Variants in SPTSSA observed in about 807,000 individuals in gnomAD.
SPTSSA encodes the protein serine palmitoyltransferase small subunit A.
In SPTSSA, 8 loss-of-function variants were observed where a neutral mutation model predicts 9.1. That is an observed-to-expected ratio of 0.88 (90% confidence interval 0.51 to 1.58). The LOEUF (loss-of-function observed/expected upper bound fraction) is 1.58, where lower values mean the gene tolerates loss of function less well. Among genes scored for constraint, SPTSSA ranks in the 40% most tolerant of loss-of-function variants. SPTSSA has a pLI of 0.00. For missense variants in SPTSSA, 100 were observed against 93.8 expected (o/e 1.07, Z -0.27); for synonymous variants, 42 against 37.7 (o/e 1.11, Z -0.41).
intron 1 of SPTSSA, among the ~76,000 whole-genome samples, chr14:34,452,748 T>TG (rs1383170202): frequency 6.6e-6 from 1 of 152,208 alleles, no homozygotes; most frequent in Non-Finnish European, 1.5e-5. Context: ...CCCAGTGTTA[T>TG]GGGGAAAAAT....
At chr14:34,437,182 C>T (rs1320709374) in intron 1 of SPTSSA, among the ~76,000 whole-genome samples, 2 of 152,118 alleles carry the variant, frequency 1.3e-5, no homozygotes, top group Non-Finnish European at 2.9e-5. Context: ...TGATGTGAGC[C>T]GGAAGGGCAC....
At chr14:34,440,855 T>C (rs952501373) in intron 1 of SPTSSA, among the ~76,000 whole-genome samples, 1 of 151,322 alleles carries the variant, frequency 6.6e-6, no homozygotes, top group Non-Finnish European at 1.5e-5. Flanking sequence ...CACTCAAGCC[T>C]GGGCAACAAG....
At position 34,435,239 on chromosome 14, in the gene SPTSSA, T is replaced by C; in HGVS notation, c.178A>G (p.Ile60Val). The C allele has an allele frequency of 6.2e-7, 1 of 1,613,908 alleles. No individual in the cohort carries two copies. The highest frequency in any genetic ancestry group is 8.5e-7 in the Non-Finnish European group (1 of 1,179,826). The change falls in exon 2 of 2, where the codon ATC becomes GTC. Residue 60 changes from isoleucine (I) to valine (V), a missense_variant. Coordinates refer to ENST00000298130, the MANE Select transcript of SPTSSA (RefSeq NM_138288.4). ...TCAAAGTAGTGCAATATCGCCATGA[T>C]GTGCTGGGGCATGAAGACGTATCCT... is the stretch of plus-strand genomic sequence containing the variant. Reference protein sequence around the residue: ...YTGYVFMPQHIMAILHYFEIV... With the variant: ...YTGYVFMPQHVMAILHYFEIV...
intron 1 of SPTSSA, among the ~76,000 whole-genome samples, chr14:34,448,023 G>T (rs1566424428): frequency 6.6e-6 from 1 of 152,122 alleles, no homozygotes. Context: ...GGGAAGCTGA[G>T]GTGGGCAGAT....
chr14:34,435,115 G>A lies in SPTSSA; in HGVS notation c.*86C>T. On this transcript the variant is annotated 3_prime_UTR_variant, in exon 2 of 2. Coordinates refer to ENST00000298130, the MANE Select transcript of SPTSSA (RefSeq NM_138288.4). ...AGGTTGGTTATGTTGACATCTAGAA[G>A]AGTTTCTTATCACATCTGATGGTCT... The A allele has an allele frequency of 1.0e-6, 1 of 973,796 alleles. No homozygotes were observed. The highest frequency in any genetic ancestry group is 1.6e-6 in the Non-Finnish European group (1 of 643,052). The allele number at this position is 973,796 out of a possible 1,614,324, so 60.3% of individuals were successfully genotyped here.
chr14:34,454,860 G>A (rs1883586409), intron 1 of SPTSSA, among the ~76,000 whole-genome samples: 1 of 152,184 alleles, frequency 6.6e-6, no homozygotes, highest in Non-Finnish European at 1.5e-5. Context: ...GCCAAGGTGG[G>A]TGGGTCACCT....
At chr14:34,449,895 A>G (rs1351384387) in intron 1 of SPTSSA, among the ~76,000 whole-genome samples, 1 of 152,226 alleles carries the variant, frequency 6.6e-6, no homozygotes, top group African/African-American at 2.4e-5. Flanking sequence ...GCTATCTGGT[A>G]TAGATTTCTC....
At chr14:34,448,763 C>T (rs971072780) in intron 1 of SPTSSA, among the ~76,000 whole-genome samples, 5 of 152,072 alleles carry the variant, frequency 3.3e-5, no homozygotes, top group African/African-American at 1.2e-4. Context: ...TGCCAAGAAC[C>T]AGGATACCCT....
intron 1 of SPTSSA, among the ~76,000 whole-genome samples, chr14:34,454,137 T>G (rs544398495): frequency 1.3e-5 from 2 of 152,228 alleles, no homozygotes; most frequent in Non-Finnish European, 2.9e-5. Flanking sequence ...CTAAAGATCA[T>G]GCCAGCCACT....
intron 1 of SPTSSA, among the ~76,000 whole-genome samples, chr14:34,448,507 G>A (rs1402241039): frequency 6.6e-6 from 1 of 152,146 alleles, no homozygotes; most frequent in Non-Finnish European, 1.5e-5. Flanking sequence ...ATCCTCTCCA[G>A]AGGGTGTAGG....
intron 1 of SPTSSA, among the ~76,000 whole-genome samples, chr14:34,451,468 A>G (rs1390729970): frequency 1.3e-5 from 2 of 152,318 alleles, no homozygotes; most frequent in South Asian, 2.1e-4. Context: ...TCACACCTGT[A>G]ATCCCAGCAC....
intron 1 of SPTSSA, 119 bp downstream of exon 1, chr14:34,461,977 G>A: frequency 1.9e-6 from 1 of 538,146 alleles, no homozygotes; most frequent in Non-Finnish European, 2.3e-6. Flanking sequence ...CGGCTTCCGC[G>A]CACAGGACCG....
intron 1 of SPTSSA, among the ~76,000 whole-genome samples, chr14:34,459,972 C>A (rs1213949285): frequency 6.6e-6 from 1 of 152,132 alleles, no homozygotes; most frequent in East Asian, 1.9e-4. Flanking sequence ...TGTAGCTGGC[C>A]ACAGATTAGT....
intron 1 of SPTSSA, among the ~76,000 whole-genome samples, chr14:34,442,983 T>TGTGTGTGTGTGTGAGA (rs750212266): frequency 1.3e-5 from 2 of 148,458 alleles, no homozygotes; most frequent in African/African-American, 5.0e-5. Flanking sequence ...TGTGTGTGTG[T>TGTGTGTGTGTGTGAGA]GAGATGGAGT....
intron 1 of SPTSSA, among the ~76,000 whole-genome samples, chr14:34,454,276 G>T (rs1883575794): frequency 6.6e-6 from 1 of 152,140 alleles, no homozygotes; most frequent in African/African-American, 2.4e-5. Context: ...TAAGAAAATG[G>T]AGACAGGACC....
chr14:34,441,321 C>T (rs1015785474), intron 1 of SPTSSA, among the ~76,000 whole-genome samples: 1 of 152,142 alleles, frequency 6.6e-6, no homozygotes, highest in Admixed American at 6.6e-5. Context: ...TGTAACTTTA[C>T]TTCATCCTCT....
chr14:34,442,228 C>T (rs1209595235), intron 1 of SPTSSA, among the ~76,000 whole-genome samples: 1 of 152,152 alleles, frequency 6.6e-6, no homozygotes, highest in African/African-American at 2.4e-5. Flanking sequence ...GCACACGGTC[C>T]CTGATCCCTA....
intron 1 of SPTSSA, among the ~76,000 whole-genome samples, chr14:34,438,139 T>C (rs1344239717): frequency 1.3e-5 from 2 of 152,154 alleles, no homozygotes; most frequent in African/African-American, 4.8e-5. Context: ...GCTTGCTCAA[T>C]TTTGTTACTT....
chr14:34,448,198 G>C (rs1184428330), intron 1 of SPTSSA, among the ~76,000 whole-genome samples: 2 of 152,080 alleles, frequency 1.3e-5, no homozygotes, highest in Non-Finnish European at 2.9e-5. Flanking sequence ...GGAGGTTGCA[G>C]TGAGCCAAGA....
Sources: gnomAD v4.1 joint callset for allele counts (sites outside exome capture counted in the v4.1 genomes callset) on GRCh38, gnomAD v4.1.1 for gene constraint, MANE v1.5 for transcripts, NCBI Gene and HGNC (gene_info 2026-07-23, HGNC 2026-07-21) for gene names.